The following TASP1 variants were observed in gnomAD, a reference collection of about 807,000 sequenced individuals.
TASP1 encodes the protein taspase 1.
In TASP1, 16 loss-of-function variants were observed where a neutral mutation model predicts 56.6. The observed-to-expected ratio is 0.28, with a 90% CI of 0.19 to 0.43. The LOEUF is 0.43. Among genes scored for constraint, TASP1 ranks in the 20% least tolerant of loss-of-function variants. The probability of loss-of-function intolerance (pLI) is 1.00; values close to 1 mark genes in which losing one functional copy is unlikely to be tolerated. For synonymous variants in TASP1, 179 were observed against 184.2 expected (o/e 0.97, Z 0.23); for missense variants, 393 against 511.6 (o/e 0.77, Z 2.24).
intron 11 of TASP1, among the ~76,000 whole-genome samples, chr20:13,477,266 A>G (rs1424715876): frequency 6.6e-6 from 1 of 152,124 alleles, no homozygotes; most frequent in African/African-American, 2.4e-5. Context: ...ATCTCCCCAA[A>G]AGAATGAAGT....
chr20:13,598,903 T>C lies in TASP1; in HGVS notation c.283-11533A>G, dbSNP rs139287970. ...GACACTTCTCAATAGAAGACATTTA[T>C]GCAGCCAACAGACACATGAAAAAAT... On this transcript the variant is annotated intron_variant, in intron 4 of 13. Coordinates refer to ENST00000337743, the MANE Select transcript of TASP1 (RefSeq NM_017714.3). Among the ~76,000 whole-genome samples, 1,487 of 152,338 alleles carry C rather than the reference T, an allele frequency of 9.8e-3. 8 individuals are homozygous for C. The highest frequency in any genetic ancestry group is 0.017 in the Middle Eastern group (5 of 294).
At chr20:13,179,517 T>G in the TASP1 span, among the ~76,000 whole-genome samples, 1 of 151,956 alleles carries the variant, frequency 6.6e-6, no homozygotes, top group Non-Finnish European at 1.5e-5. Context: ...AACATCACTC[T>G]TGGATTAATA....
chr20:13,336,489 C>A, the TASP1 span, among the ~76,000 whole-genome samples: 11 of 152,070 alleles, frequency 7.2e-5, no homozygotes, highest in Non-Finnish European at 1.6e-4. Context: ...GCCAGCACAT[C>A]CTACACACTT....
chr20:13,574,119 TAA>T (rs879792373), intron 6 of TASP1, among the ~76,000 whole-genome samples: 1 of 141,858 alleles, frequency 7.0e-6, no homozygotes, highest in African/African-American at 2.6e-5. Flanking sequence ...AATGAAAGTT[TAA>T]AAAAAAAAAA....
chr20:13,340,321 T>A, the TASP1 span, among the ~76,000 whole-genome samples: 3 of 152,136 alleles, frequency 2.0e-5, no homozygotes, highest in African/African-American at 4.8e-5. Flanking sequence ...ACCGAACCAA[T>A]GCCAGCAACC....
At chr20:13,298,985 C>T in the TASP1 span, 1 of 1,613,414 alleles carries the variant, frequency 6.2e-7, no homozygotes, top group African/African-American at 1.3e-5. Context: ...AAAGCGAGTT[C>T]TTAAAGAAGT....
At chr20:13,261,559 T>C in the TASP1 span, among the ~76,000 whole-genome samples, 214 of 152,250 alleles carry the variant, frequency 1.4e-3, 1 homozygote, top group African/African-American at 4.9e-3. Flanking sequence ...TGCAATAACT[T>C]ACCAAAGCTC....
chr20:13,486,843 TAAAG>T (rs1320627897), intron 10 of TASP1, among the ~76,000 whole-genome samples: 1 of 152,082 alleles, frequency 6.6e-6, no homozygotes, highest in Non-Finnish European at 1.5e-5. Context: ...TTTCCAGAAA[TAAAG>T]AACATCTGCA....
chr20:13,479,260 A>G lies in TASP1; in HGVS notation c.985+3967T>C, dbSNP rs146286693. Among the ~76,000 whole-genome samples, 50 of 152,266 alleles carry G rather than the reference A, an allele frequency of 3.3e-4. No individual in the cohort carries two copies. In the East Asian group the frequency reaches 8.7e-3, roughly 26 times the overall value. ...TAATGAGAATCACTAGATATTTTAT[A>G]CAAATATTTTTTTAAAAAGAAAAAA... On this transcript the variant is annotated intron_variant, in intron 11 of 13. Transcript: ENST00000337743.
At chr20:13,325,408 T>C in the TASP1 span, among the ~76,000 whole-genome samples, 1 of 152,154 alleles carries the variant, frequency 6.6e-6, no homozygotes, top group South Asian at 2.1e-4. Context: ...ATAAATAAAA[T>C]GGGAAGAAAT....
At chr20:13,183,805 G>A in the TASP1 span, among the ~76,000 whole-genome samples, 5 of 152,038 alleles carry the variant, frequency 3.3e-5, no homozygotes, top group East Asian at 3.9e-4. Flanking sequence ...TGAGGTGGGC[G>A]GATCACGAGG....
chr20:13,213,628 C>T, the TASP1 span, among the ~76,000 whole-genome samples: 2 of 152,144 alleles, frequency 1.3e-5, no homozygotes, highest in Non-Finnish European at 2.9e-5. Flanking sequence ...CTCATGTTTC[C>T]CCTTTCTCCA....
chr20:13,399,028 C>T (rs190970734), intron 13 of TASP1, among the ~76,000 whole-genome samples: 1 of 152,310 alleles, frequency 6.6e-6, no homozygotes, highest in South Asian at 2.1e-4. Flanking sequence ...AATCCAATAG[C>T]CTGTCCTCAA....
At chr20:13,637,508 T>C (rs1243474531) in intron 1 of TASP1, among the ~76,000 whole-genome samples, 2 of 152,178 alleles carry the variant, frequency 1.3e-5, no homozygotes, top group Non-Finnish European at 2.9e-5. Context: ...CGACCGATGA[T>C]GGTTAAGCAA....
In TASP1 at chr20:13,521,805, T is replaced by C. The variant is rs1415238167; in HGVS notation, c.874+6628A>G. 2.1e-5 allele frequency among the ~76,000 whole-genome samples: 3 copies of C among 145,160 alleles called. No homozygotes were observed. In the East Asian group the frequency reaches 6.1e-4, roughly 29 times the overall value. ...ATAATAAAATTAAATTAAATTAAAT[T>C]AAACCAATTTTTTAAAAAGAAAATT... On this transcript the variant is annotated intron_variant, in intron 10 of 13. Transcript: ENST00000337743.
intron 8 of TASP1, among the ~76,000 whole-genome samples, chr20:13,543,707 C>T (rs926195684): frequency 6.6e-6 from 1 of 152,178 alleles, no homozygotes; most frequent in African/African-American, 2.4e-5. Flanking sequence ...CATAGGCTGG[C>T]TTGTTACAGG....
intron 4 of TASP1, among the ~76,000 whole-genome samples, chr20:13,603,931 A>T (rs2048052810): frequency 6.6e-6 from 1 of 152,168 alleles, no homozygotes; most frequent in Non-Finnish European, 1.5e-5. Flanking sequence ...CTCAATATTT[A>T]ATCAGATTCC....
chr20:13,600,221 T>G (rs6042236), intron 4 of TASP1, among the ~76,000 whole-genome samples: 60,780 of 152,012 alleles, frequency 0.4, 12,802 homozygotes, highest in East Asian at 0.55. Context: ...AATCCCAATA[T>G]AAATTCCGGC....
At chr20:13,477,875 T>C (rs2042998626) in intron 11 of TASP1, among the ~76,000 whole-genome samples, 1 of 152,112 alleles carries the variant, frequency 6.6e-6, no homozygotes, top group Non-Finnish European at 1.5e-5. Context: ...ATGCTTCCAA[T>C]ATTAAGTCAA....
Sources: gnomAD v4.1 joint callset for allele counts (sites outside exome capture counted in the v4.1 genomes callset) on GRCh38, gnomAD v4.1.1 for gene constraint, MANE v1.5 for transcripts, NCBI Gene and HGNC (gene_info 2026-07-23, HGNC 2026-07-21) for gene names.